Variants in SLC35D4 observed in about 807,000 individuals in gnomAD.
The protein encoded by SLC35D4 is UDP-N-acetylglucosamine transporter SLC35D4.
the SLC35D4 span, among the ~76,000 whole-genome samples, chr18:23,240,172 C>T: frequency 6.6e-6 from 1 of 152,030 alleles, no homozygotes; most frequent in Non-Finnish European, 1.5e-5. Context: ...GGACGTGGGC[C>T]CCAGGGGGTA....
chr18:23,375,174 A>T, the SLC35D4 span, among the ~76,000 whole-genome samples: 2 of 151,598 alleles, frequency 1.3e-5, no homozygotes, highest in Non-Finnish European at 2.9e-5. Context: ...TATTGTGGCC[A>T]GATAATAAGT....
the SLC35D4 span, among the ~76,000 whole-genome samples, chr18:23,275,271 C>T: frequency 5.9e-5 from 9 of 152,228 alleles, no homozygotes; most frequent in Middle Eastern, 3.4e-3. Context: ...AGACCTTGGG[C>T]GCCTCCAGAT....
At chr18:23,297,766 C>T in the SLC35D4 span, 1 of 483,102 alleles carries the variant, frequency 2.1e-6, no homozygotes, top group Non-Finnish European at 3.8e-6. Flanking sequence ...ACAGACCGCT[C>T]CTCTGCAGTG....
the SLC35D4 span, among the ~76,000 whole-genome samples, chr18:23,434,564 G>A: frequency 6.6e-6 from 1 of 152,084 alleles, no homozygotes; most frequent in Admixed American, 6.6e-5. Flanking sequence ...GGCAAGGTGG[G>A]CAGATCGCTT....
the SLC35D4 span, among the ~76,000 whole-genome samples, chr18:23,428,023 T>C: frequency 6.6e-6 from 1 of 151,440 alleles, no homozygotes; most frequent in African/African-American, 2.4e-5. Context: ...CTGCCATGGG[T>C]TGGGGGGAGA....
the SLC35D4 span, among the ~76,000 whole-genome samples, chr18:23,407,426 A>G: frequency 3.0e-3 from 462 of 152,236 alleles, no homozygotes; most frequent in Non-Finnish European, 5.3e-3. Flanking sequence ...AAATTAACAA[A>G]CCAGGAAAAA....
At chr18:23,291,429 T>C in the SLC35D4 span, among the ~76,000 whole-genome samples, 1 of 152,256 alleles carries the variant, frequency 6.6e-6, no homozygotes, top group Non-Finnish European at 1.5e-5. Flanking sequence ...CCATATCTCA[T>C]GCTTTTGTGG....
chr18:23,308,850 C>T, the SLC35D4 span, among the ~76,000 whole-genome samples: 2 of 117,428 alleles, frequency 1.7e-5, no homozygotes, highest in African/African-American at 6.7e-5. Flanking sequence ...CACGTGTTTT[C>T]TCTCTCTCTC....
chr18:23,293,731 C>T, the SLC35D4 span, among the ~76,000 whole-genome samples: 1 of 152,180 alleles, frequency 6.6e-6, no homozygotes, highest in African/African-American at 2.4e-5. Context: ...GTAACACTCC[C>T]CTGCCGGTAT....
chr18:23,415,565 C>T, the SLC35D4 span, among the ~76,000 whole-genome samples: 17 of 152,358 alleles, frequency 1.1e-4, no homozygotes, highest in African/African-American at 4.1e-4. Context: ...ATGCCATGGT[C>T]TCACGGTGCT....
At chr18:23,295,724 C>G in the SLC35D4 span, among the ~76,000 whole-genome samples, 5 of 152,142 alleles carry the variant, frequency 3.3e-5, no homozygotes, top group Admixed American at 1.3e-4. Flanking sequence ...CATGCAGAGG[C>G]AACAACAGCC....
chr18:23,370,294 G>C, the SLC35D4 span: 1 of 1,608,186 alleles, frequency 6.2e-7, no homozygotes. Flanking sequence ...CACTGGTCAT[G>C]GTATTCTGCT....
the SLC35D4 span, among the ~76,000 whole-genome samples, chr18:23,352,717 G>C: frequency 6.6e-6 from 1 of 152,156 alleles, no homozygotes; most frequent in Non-Finnish European, 1.5e-5. Flanking sequence ...AGTCTGGACT[G>C]GCCTCCAGGC....
the SLC35D4 span, among the ~76,000 whole-genome samples, chr18:23,417,214 C>A: frequency 1.5e-4 from 23 of 151,330 alleles, no homozygotes; most frequent in Middle Eastern, 6.8e-3. Flanking sequence ...TGCACTCCAG[C>A]CTGGACGACA....
chr18:23,395,742 G>A, the SLC35D4 span, among the ~76,000 whole-genome samples: 5 of 152,184 alleles, frequency 3.3e-5, no homozygotes, highest in Non-Finnish European at 7.4e-5. Context: ...GAAGAGTCAT[G>A]AGCCATCAAA....
At chr18:23,329,611 G>A in the SLC35D4 span, among the ~76,000 whole-genome samples, 2 of 152,194 alleles carry the variant, frequency 1.3e-5, no homozygotes, top group African/African-American at 4.8e-5. Context: ...GTTGGTGGGA[G>A]TGTAAATTAG....
the SLC35D4 span, among the ~76,000 whole-genome samples, chr18:23,359,574 A>G: frequency 3.9e-5 from 6 of 152,222 alleles, no homozygotes; most frequent in East Asian, 9.7e-4. Flanking sequence ...GTGTGACACA[A>G]TATTACCACA....
chr18:23,334,293 C>T, the SLC35D4 span, among the ~76,000 whole-genome samples: 3 of 152,112 alleles, frequency 2.0e-5, no homozygotes, highest in African/African-American at 7.2e-5. Flanking sequence ...GACACAGATG[C>T]AACCCTGGGC....
the SLC35D4 span, among the ~76,000 whole-genome samples, chr18:23,410,789 C>T: frequency 1.3e-5 from 2 of 152,174 alleles, no homozygotes; most frequent in Non-Finnish European, 2.9e-5. Flanking sequence ...ACAAGTGAGA[C>T]TCCATCTCAA....
Sources: allele counts gnomAD v4.1 joint callset (sites outside exome capture counted in the v4.1 genomes callset), GRCh38; gene constraint gnomAD v4.1.1; transcripts MANE v1.5; gene names NCBI Gene and HGNC (gene_info 2026-07-23, HGNC 2026-07-21).